Variants in ZNF705G observed in about 807,000 individuals in gnomAD.
ZNF705G encodes the protein zinc finger protein 705G, also known as putative zinc finger protein 705G.
A neutral mutation model predicts 19.6 loss-of-function variants in ZNF705G; 23 were observed. The ratio of observed to expected loss-of-function variants is 1.17; its 90% CI spans 0.84 to 1.66. ZNF705G has a LOEUF of 1.66. Among genes scored for constraint, ZNF705G ranks in the 40% most tolerant of loss-of-function variants. The pLI is 0.00. For missense variants in ZNF705G, 457 were observed against 354.4 expected (o/e 1.29, Z -2.32); for synonymous variants, 146 against 117.7 (o/e 1.24, Z -1.56).
At chr8:7,365,611 C>A (rs1806821042) in intron 2 of ZNF705G, among the ~76,000 whole-genome samples, 1 of 149,276 alleles carries the variant, frequency 6.7e-6, no homozygotes, top group Admixed American at 6.6e-5. Context: ...CTCAGGTGAT[C>A]CGCCAGCCTC....
At chr8:7,359,487 A>G (rs1320673468) in intron 6 of ZNF705G, 132 bp downstream of exon 6, 57 of 1,429,480 alleles carry the variant, frequency 4.0e-5, no homozygotes, top group South Asian at 1.3e-5. Context: ...CAAAGTATCC[A>G]ATTTTTTTTT....
At chr8:7,365,633 G>C (rs544480359) in intron 2 of ZNF705G, among the ~76,000 whole-genome samples, 6 of 149,436 alleles carry the variant, frequency 4.0e-5, no homozygotes, top group Non-Finnish European at 8.8e-5. Flanking sequence ...GCCTCTCAAA[G>C]TATTGGGATT....
chr8:7,378,863 T>A (rs1378623108), intron 2 of ZNF705G, among the ~76,000 whole-genome samples: 8 of 147,032 alleles, frequency 5.4e-5, no homozygotes, highest in Non-Finnish European at 5.9e-5. Context: ...GAAACCTCAA[T>A]TCCCCTTTGC....
At position 7,374,843 on chromosome 8, in the gene ZNF705G, C is replaced by G. The variant is rs1411605762; in HGVS notation, c.-72+6609G>C. Among the ~76,000 whole-genome samples the G allele has an allele frequency of 5.7e-5, 5 of 87,442 alleles. 1 individual carries two copies. Among genetic ancestry groups the G allele is most frequent in the South Asian group, 8.2e-4 (2 of 2,432 alleles). The allele number at this position is 87,442 out of a possible 152,430, so 57.4% of individuals were successfully genotyped here. On this transcript the variant is annotated intron_variant, in intron 2 of 6. Transcript: ENST00000400156. Reference sequence around the variant, plus strand: ...AAGACAGCCTATGTTCATTGTAACTCTATCTTTTGTTCCTAAAGCAAATGG... The same window carrying G: ...AAGACAGCCTATGTTCATTGTAACTGTATCTTTTGTTCCTAAAGCAAATGG...
rs753489002 is a variant in ZNF705G at position 7,358,384 on chromosome 8, A to G, written c.495T>C (p.Ile165=). The G allele has an allele frequency of 2.5e-6, 4 of 1,607,436 alleles. No individual in the cohort carries two copies. The highest frequency in any genetic ancestry group is 2.8e-5 in the African/African-American group (2 of 71,116). Residue 165 remains isoleucine (I), a synonymous_variant, in exon 7 of 7, where the codon ATT becomes ATC. Transcript: ENST00000400156. The part of the protein sequence containing the change: ...NLLSTEPHKQ[I]HTKGKSYQCN... ...ACTGATATGATTTACCTTTAGTATG[A>G]ATTTGTTTATGTGGTTCAGTGGACA... is the stretch of plus-strand genomic sequence containing the variant.
rs372985860 is a variant in ZNF705G, at chr8:7,382,866, C to A, written c.-221-1265G>T. Among the ~76,000 whole-genome samples, 21 of 146,862 alleles carry A rather than the reference C, an allele frequency of 1.4e-4. 3 individuals are homozygous for A. Among genetic ancestry groups the A allele is most frequent in the African/African-American group, 5.2e-4 (19 of 36,356 alleles). On this transcript the variant is annotated intron_variant, in intron 1 of 6. Coordinates refer to ENST00000400156, the MANE Select transcript of ZNF705G (RefSeq NM_001164457.3). Reference sequence around the variant, plus strand: ...TGGATGAATTACATAGTGGTGAATTCTGAGATTTTAGTACACCTGTCACCT... The same window carrying A: ...TGGATGAATTACATAGTGGTGAATTATGAGATTTTAGTACACCTGTCACCT...
intron 1 of ZNF705G, among the ~76,000 whole-genome samples, chr8:7,383,714 T>C (rs1400677632): frequency 2.0e-5 from 3 of 149,360 alleles, no homozygotes; most frequent in Non-Finnish European, 2.9e-5. Context: ...GCTGCCCTTA[T>C]AAAAGAGGCC....
chr8:7,361,553 A>C (rs1474058161), intron 3 of ZNF705G, among the ~76,000 whole-genome samples: 2 of 149,722 alleles, frequency 1.3e-5, no homozygotes, highest in Non-Finnish European at 2.9e-5. Context: ...AACATTCATA[A>C]ATAAAATGAA....
rs530447271 is a variant in ZNF705G at position 7,362,001 on chromosome 8, T to C, written c.13-765A>G. Reference sequence around the variant, plus strand: ...CTATACTGAGGAAATCTTAGTCCGATGATTCCTGTGATATGAAGCTTTCTG... The same window carrying C: ...CTATACTGAGGAAATCTTAGTCCGACGATTCCTGTGATATGAAGCTTTCTG... On this transcript the variant is annotated intron_variant, in intron 3 of 6. Transcript: ENST00000400156. Among the ~76,000 whole-genome samples the C allele has an allele frequency of 6.7e-5, 10 of 149,816 alleles. No homozygotes were observed. In the East Asian group the frequency reaches 1.7e-3, roughly 26 times the overall value.
chr8:7,369,660 A>G (rs1349159105), intron 2 of ZNF705G, among the ~76,000 whole-genome samples: 2 of 149,776 alleles, frequency 1.3e-5, no homozygotes, highest in Non-Finnish European at 2.9e-5. Context: ...ATGCCCATCA[A>G]TGTTACAGTG....
At chr8:7,384,444 G>A (rs1301435928) in intron 1 of ZNF705G, among the ~76,000 whole-genome samples, 1 of 145,652 alleles carries the variant, frequency 6.9e-6, no homozygotes, top group African/African-American at 2.8e-5. Flanking sequence ...AGACATTTAT[G>A]CAGCCAACAA....
At chr8:7,370,876 T>C (rs1031114033) in intron 2 of ZNF705G, among the ~76,000 whole-genome samples, 3 of 114,774 alleles carry the variant, frequency 2.6e-5, no homozygotes, top group African/African-American at 1.1e-4. Context: ...TGGAATACTA[T>C]GCAGCCATAA....
rs377155144 is a variant in ZNF705G, at chr8:7,359,699, T to A, written c.238A>T (p.Arg80Trp). Reference protein sequence around the residue: ...RVFLQDQNPNRESALKKTHMI... With the variant: ...RVFLQDQNPNWESALKKTHMI... ...TGTGTTTTCTTAAGGGCACTTTCCC[T>A]GTCTGAAATAATTGAAAAATAAATT... Residue 80 changes from arginine (R) to tryptophan (W), a missense_variant and splice_region_variant, in exon 6 of 7, where the codon AGG becomes TGG. Physicochemically the swap from Arg to Trp is moderately radical, Grantham distance 101 (BLOSUM62 -3). Transcript: ENST00000400156. The A allele has an allele frequency of 1.0e-3, 1,651 of 1,605,568 alleles. 23 individuals are homozygous for A. Among genetic ancestry groups the A allele is most frequent in the Admixed American group, 1.8e-3 (110 of 59,878 alleles).
In ZNF705G at chr8:7,357,825, G is replaced by C; in HGVS notation, c.*151C>G. On this transcript the variant is annotated 3_prime_UTR_variant, in exon 7 of 7. Transcript: ENST00000400156. ...TTACCTTTGTCATTCCTAACACCGT[G>C]TCATCTAAAGTCAGAATATGTTCTG... 8.3e-7 allele frequency: 1 copy of C among 1,207,678 alleles called. No homozygotes were observed. Among genetic ancestry groups the C allele is most frequent in the South Asian group, 1.6e-5 (1 of 61,844 alleles). 74.8% of individuals were successfully genotyped at this position (1,207,678 alleles called of 1,614,324 possible).
chr8:7,366,643 C>A (rs542209309), intron 2 of ZNF705G, among the ~76,000 whole-genome samples: 41 of 149,564 alleles, frequency 2.7e-4, no homozygotes, highest in South Asian at 1.5e-3. Context: ...TATCCATGGA[C>A]AAATTATTTG....
chr8:7,367,332 C>T (rs1399163936), intron 2 of ZNF705G, among the ~76,000 whole-genome samples: 1 of 149,156 alleles, frequency 6.7e-6, no homozygotes, highest in Non-Finnish European at 1.5e-5. Context: ...TAGGCAGCAC[C>T]AGAGAGAGGC....
intron 6 of ZNF705G, among the ~76,000 whole-genome samples, chr8:7,358,913 A>G (rs1806431703): frequency 6.7e-6 from 1 of 149,558 alleles, no homozygotes; most frequent in East Asian, 1.9e-4. Flanking sequence ...TTTCTTTACA[A>G]GTGCAGTCAT....
In ZNF705G at chr8:7,363,798, G is replaced by T. The variant is rs541032625; in HGVS notation, c.-71-781C>A. Among the ~76,000 whole-genome samples the T allele has an allele frequency of 1.5e-3, 228 of 149,244 alleles. No individual in the cohort carries two copies. The East Asian group carries it at 0.029, about 19-fold the overall frequency. On this transcript the variant is annotated intron_variant, in intron 2 of 6. Transcript: ENST00000400156. ...ATCCCACCACTGCACTCCAGCGAGG[G>T]TGACAGAGCGAGACTCTGTCTCAAA...
intron 1 of ZNF705G, among the ~76,000 whole-genome samples, chr8:7,382,251 T>C (rs1229793316): frequency 6.7e-6 from 1 of 149,326 alleles, no homozygotes; most frequent in African/African-American, 2.6e-5. Context: ...CTGATTCAAA[T>C]GTTCAAATTA....
Sources: allele counts gnomAD v4.1 joint callset (sites outside exome capture counted in the v4.1 genomes callset), GRCh38; gene constraint gnomAD v4.1.1; transcripts MANE v1.5; gene names NCBI Gene and HGNC (gene_info 2026-07-23, HGNC 2026-07-21).